PNCK: variants seen among roughly 807,000 people sequenced by gnomAD.
PNCK encodes the protein pregnancy up-regulated nonubiquitous CaM kinase.
A neutral mutation model predicts 28.3 loss-of-function variants in PNCK; 21 were observed. The observed-to-expected ratio is 0.74, with a 90% CI of 0.53 to 1.07. The LOEUF is 1.07. Among genes scored for constraint, PNCK ranks in the 50% least tolerant of loss-of-function variants. PNCK has a pLI of 0.00. For missense variants in PNCK, 250 were observed against 298.3 expected (o/e 0.84, Z 1.19); for synonymous variants, 136 against 125.2 (o/e 1.09, Z -0.58).
chrX:153,670,154 AG>A lies in PNCK; in HGVS notation c.*8-25del. 3 of 376,230 alleles carry A rather than the reference AG, an allele frequency of 8.0e-6. No homozygotes were observed. The South Asian group carries it at 1.0e-4, about 13-fold the overall frequency. The allele number at this position is 376,230 out of a possible 1,213,427, so 31.0% of individuals were successfully genotyped here. A position where few individuals can be genotyped will look rare whatever the true frequency, so the allele number is the denominator to read the frequency against. On this transcript the variant is annotated intron_variant, in intron 11 of 11. Coordinates refer to ENST00000340888, the MANE Select transcript of PNCK (RefSeq NM_001366977.1). ...GCCTGAGAGGGAGAAGCAGAGGGAA[AG>A]GGGGTAGTCAGGAGCCGGCCTGCCA...
intron 5 of PNCK, 64 bp downstream of exon 5, chrX:153,671,816 G>C: frequency 1.7e-6 from 2 of 1,185,693 alleles, no homozygotes; most frequent in Non-Finnish European, 2.3e-6. Flanking sequence ...GTGCTCCCGG[G>C]AAAACAAAGG....
At chrX:153,673,541 T>G in intron 1 of PNCK, 1 of 327,940 alleles carries the variant, frequency 3.0e-6, no homozygotes, top group Non-Finnish European at 4.8e-6. Context: ...CGCAGCCACC[T>G]GCCAAGACCG....
chrX:153,673,447 A>G, intron 1 of PNCK: 1 of 483,504 alleles, frequency 2.1e-6, no homozygotes, highest in East Asian at 4.4e-5. Flanking sequence ...ACCCCCGCCT[A>G]GACCCGCCAC....
chrX:153,681,226 C>T (rs1236366399), intron 1 of PNCK, among the ~76,000 whole-genome samples: 2 of 111,506 alleles, frequency 1.8e-5, no homozygotes, highest in African/African-American at 6.5e-5. Flanking sequence ...AGACAACACT[C>T]CTGCACAGAA....
intron 10 of PNCK, 29 bp from the exon 11 acceptor site, chrX:153,670,623 G>A (rs1557039376): frequency 1.7e-6 from 2 of 1,201,583 alleles, no homozygotes; most frequent in Non-Finnish European, 2.2e-6. Context: ...ATCAGGCCAG[G>A]CCTGGGCCCA....
At position 153,670,591 on chromosome X, in the gene PNCK, C is replaced by G; in HGVS notation, c.898G>C (p.Ala300Pro). The G allele has an allele frequency of 8.3e-7, 1 of 1,209,960 alleles. No homozygotes were observed. The highest frequency in any genetic ancestry group is 1.7e-5 in the African/African-American group (1 of 57,991). Reference protein sequence around the residue: ...KNFARTHWKRAFNATSFLRHI... With the variant: ...KNFARTHWKRPFNATSFLRHI... ...CGCAGGAACGAGGTGGCATTGAAGGCTCGCTGCCAGAAGAGAGGGAGATCA... is the reference window on the plus strand; with the variant it reads ...CGCAGGAACGAGGTGGCATTGAAGGGTCGCTGCCAGAAGAGAGGGAGATCA... The change falls in exon 11 of 12, where the codon GCC becomes CCC. Residue 300 changes from alanine (A) to proline (P), a missense_variant. By Grantham distance (27) the Ala-to-Pro change is conservative. Coordinates refer to ENST00000340888, the MANE Select transcript of PNCK (RefSeq NM_001366977.1).
chrX:153,681,209 G>A (rs1274597579), intron 1 of PNCK, among the ~76,000 whole-genome samples: 1 of 111,571 alleles, frequency 9.0e-6, no homozygotes, highest in African/African-American at 3.3e-5. Flanking sequence ...AATAAATGTG[G>A]GAGAACAGAC....
At chrX:153,679,566 C>CTTTTTTTT (rs1211891003), upstream of PNCK, among the ~76,000 whole-genome samples, 6 of 46,087 alleles carry the variant, frequency 1.3e-4, no homozygotes, top group Non-Finnish European at 2.0e-4. Flanking sequence ...CTTTTCTTTT[C>CTTTTTTTT]TTTTTTTTTT....
chrX:153,672,603 C>G lies in PNCK; in HGVS notation c.163G>C (p.Glu55Gln). The G allele has an allele frequency of 8.3e-7, 1 of 1,207,912 alleles. No individual in the cohort carries two copies. Among genetic ancestry groups the G allele is most frequent in the African/African-American group, 1.7e-5 (1 of 57,993 alleles). ...CIPKKALRGK[E>Q]ALVENEIAVL... ...GCGATCTCGTTCTCCACCAGGGCCTCCTTGCCCCGGAGGGCCTTCTTGGGG... is the reference window on the plus strand; with the variant it reads ...GCGATCTCGTTCTCCACCAGGGCCTGCTTGCCCCGGAGGGCCTTCTTGGGG... Residue 55 changes from glutamate to glutamine, a missense_variant, in exon 3 of 12, where the codon GAG becomes CAG. Transcript: ENST00000340888.
upstream of PNCK, among the ~76,000 whole-genome samples, chrX:153,677,575 G>A (rs782013729): frequency 8.1e-5 from 8 of 98,438 alleles, no homozygotes; most frequent in East Asian, 3.0e-4. Context: ...TATATAGTGT[G>A]TATATATAGT....
At chrX:153,679,733 A>G (rs1471664378), upstream of PNCK, among the ~76,000 whole-genome samples, 3 of 108,034 alleles carry the variant, frequency 2.8e-5, no homozygotes, top group African/African-American at 1.0e-4. Context: ...CACCATGCCC[A>G]GCTAATTTTT....
chrX:153,675,987 C>CTTTTTTTTTTTTTTTT (rs59527995), upstream of PNCK, among the ~76,000 whole-genome samples: 2 of 79,973 alleles, frequency 2.5e-5, no homozygotes, highest in African/African-American at 4.6e-5. Context: ...TTTTTCTTTT[C>CTTTTTTTTTTTTTTTT]TTTTTTTTTT....
chrX:153,676,992 G>A (rs1319791450), upstream of PNCK, among the ~76,000 whole-genome samples: 2 of 112,079 alleles, frequency 1.8e-5, no homozygotes, highest in African/African-American at 6.5e-5. Flanking sequence ...CAGGCTGGCA[G>A]GCAATTGTGT....
At chrX:153,674,241 G>A (rs2091351359), upstream of PNCK, 1 of 1,146,693 alleles carries the variant, frequency 8.7e-7, no homozygotes. Context: ...GGCACTCACT[G>A]GGCTCCCTCT....
chrX:153,671,947 A>G lies in PNCK; in HGVS notation c.347T>C (p.Leu116Pro), dbSNP rs782459101. The G allele has an allele frequency of 8.3e-7, 1 of 1,210,779 alleles. No individual in the cohort carries two copies. Among genetic ancestry groups the G allele is most frequent in the South Asian group, 1.8e-5 (1 of 56,895 alleles). Residue 116 changes from leucine to proline, a missense_variant, in exon 5 of 12, where the codon CTG (leucine) becomes CCG (proline). Transcript: ENST00000340888. ...GSYTEKDASH[L>P]VGQVLGAVSY... ...GACGGCGCCAAGGACCTGACCCACC[A>G]GATGGCTGGCATCCTTCTCTGTGTA...
intron 11 of PNCK, 120 bp downstream of exon 11, chrX:153,670,330 C>T (rs1398493078): frequency 2.9e-6 from 3 of 1,019,194 alleles, no homozygotes; most frequent in Non-Finnish European, 4.0e-6. Flanking sequence ...CTGCTCTCTG[C>T]CTTCAGTCCT....
chrX:153,674,424 C>T (rs1557041231), upstream of PNCK: 1 of 301,150 alleles, frequency 3.3e-6, no homozygotes, highest in African/African-American at 2.8e-5. Context: ...CCACCTCTTC[C>T]CCGGCCACAC....
chrX:153,677,857 T>C (rs146487880), upstream of PNCK, among the ~76,000 whole-genome samples: 1,948 of 105,864 alleles, frequency 0.018, 31 homozygotes, highest in Middle Eastern at 0.036. Flanking sequence ...CTGTATATAG[T>C]GTGTATATAT....
intron 1 of PNCK, chrX:153,673,510 G>C (rs2091339840): frequency 2.5e-6 from 1 of 395,389 alleles, no homozygotes; most frequent in African/African-American, 2.8e-5. Flanking sequence ...AGCCGCCCGG[G>C]ATGCACCTGC....
Sources: gnomAD v4.1 joint callset for allele counts (sites outside exome capture counted in the v4.1 genomes callset) on GRCh38, gnomAD v4.1.1 for gene constraint, MANE v1.5 for transcripts, NCBI Gene and HGNC (gene_info 2026-07-23, HGNC 2026-07-21) for gene names.